The following ERLEC1 variants were observed in gnomAD, a reference collection of about 807,000 sequenced individuals.
ERLEC1 encodes ER lectin.
Under a neutral mutation model 68.0 loss-of-function variants are expected in ERLEC1, and 47 were observed. The ratio of observed to expected loss-of-function variants is 0.69; its 90% CI spans 0.55 to 0.88. The LOEUF (loss-of-function observed/expected upper bound fraction) is 0.88. Among genes scored for constraint, ERLEC1 ranks in the 40% least tolerant of loss-of-function variants. The pLI is 0.00. For missense variants in ERLEC1, 567 were observed against 583.8 expected, an observed-to-expected ratio of 0.97 and a Z score of 0.30; for synonymous variants, 225 against 203.2, an observed-to-expected ratio of 1.11 and a Z score of -0.91.
Position 53,787,082 on chromosome 2 carries a change from C to T in ERLEC1, c.-129C>T. The T allele has an allele frequency of 1.6e-6, 2 of 1,270,876 alleles. No individual in the cohort carries two copies. Among genetic ancestry groups the T allele is most frequent in the Non-Finnish European group, 1.0e-6 (1 of 963,670 alleles). 78.7% of individuals were successfully genotyped at this position (1,270,876 alleles called of 1,614,324 possible). A position where few individuals can be genotyped will look rare whatever the true frequency, so the allele number is the denominator to read the frequency against. ...CCGGGCTCTCCGGAAGGAGACGTGG[C>T]GGCGGTTGGGCCGGTGATACCCGGG... On this transcript the variant is annotated 5_prime_UTR_variant, in exon 1 of 14. Coordinates refer to ENST00000185150, the MANE Select transcript of ERLEC1 (RefSeq NM_015701.5).
In ERLEC1 at chr2:53,815,030, G is replaced by A. The variant is rs545784272; in HGVS notation, c.1380+95G>A. On this transcript the variant is annotated intron_variant, in intron 13 of 13. Coordinates refer to ENST00000185150, the MANE Select transcript of ERLEC1 (RefSeq NM_015701.5). ...TTTTTTTTTTTTGTTTTTTTGAGAC[G>A]GAGTCTTGCTCTGTGGCTCAGGCAG... 47 of 739,846 alleles carry A rather than the reference G, an allele frequency of 6.4e-5. 1 individual carries two copies. In the East Asian group the frequency reaches 7.7e-4, roughly 12 times the overall value. 45.8% of individuals were successfully genotyped at this position (739,846 alleles called of 1,614,324 possible). A position where few individuals can be genotyped will look rare whatever the true frequency, so the allele number is the denominator to read the frequency against.
chr2:53,804,016 A>G (rs1324209556), intron 8 of ERLEC1, among the ~76,000 whole-genome samples: 1 of 152,192 alleles, frequency 6.6e-6, no homozygotes, highest in Non-Finnish European at 1.5e-5. Context: ...CTGCAGTCCC[A>G]GCTACTCGGG....
chr2:53,787,118 T>A lies in ERLEC1; in HGVS notation c.-93T>A, dbSNP rs1573052210. 7 of 1,373,906 alleles carry A rather than the reference T, an allele frequency of 5.1e-6. No homozygotes were observed. The East Asian group carries it at 1.9e-4, about 37-fold the overall frequency. 85.1% of individuals were successfully genotyped at this position (1,373,906 alleles called of 1,614,324 possible). A position where few individuals can be genotyped will look rare whatever the true frequency, so the allele number is the denominator to read the frequency against. ...CCGGTGATACCCGGGCGCTTTATAG[T>A]CCCGCCGCCTCCTCCTCCACCTCCT... On this transcript the variant is annotated 5_prime_UTR_variant, in exon 1 of 14. Coordinates refer to ENST00000185150, the MANE Select transcript of ERLEC1 (RefSeq NM_015701.5).
chr2:53,813,567 G>A (rs1187761878), intron 11 of ERLEC1, among the ~76,000 whole-genome samples: 1 of 152,102 alleles, frequency 6.6e-6, no homozygotes, highest in Non-Finnish European at 1.5e-5. Flanking sequence ...TAGGATATAT[G>A]AGTATACCTT....
At chr2:53,799,424 A>G (rs1047299943) in intron 6 of ERLEC1, among the ~76,000 whole-genome samples, 5 of 152,208 alleles carry the variant, frequency 3.3e-5, no homozygotes, top group Non-Finnish European at 7.4e-5. Flanking sequence ...TCCTGTGGGC[A>G]AAACAGGTAA....
At chr2:53,797,860 G>A in intron 5 of ERLEC1, 65 bp downstream of exon 5, 1 of 1,374,906 alleles carries the variant, frequency 7.3e-7, no homozygotes, top group Non-Finnish European at 1.0e-6. Context: ...TGTTCAAAAT[G>A]GAATTTACGA....
At chr2:53,806,936 C>T (rs1299266487) in intron 8 of ERLEC1, among the ~76,000 whole-genome samples, 1 of 152,162 alleles carries the variant, frequency 6.6e-6, no homozygotes, top group African/African-American at 2.4e-5. Context: ...CTTTTCTCTA[C>T]ATCCAACCCT....
rs758169257 is a variant in ERLEC1 at position 53,814,863 on chromosome 2, C to CA, written c.1311dup (p.Glu438ArgfsTer25). 6.2e-7 allele frequency: 1 copy of CA among 1,605,014 alleles called. No homozygotes were observed. Among genetic ancestry groups the CA allele is most frequent in the Non-Finnish European group, 8.5e-7 (1 of 1,173,478 alleles). On this transcript the variant is annotated frameshift_variant, in exon 13 of 14. Transcript: ENST00000185150. LOFTEE classifies it high-confidence loss of function. ...CTTAAAGTGCTCTCTGTTTTAGGTG[C>CA]AAAGAATCAGATTCACCTCATGCTG... is the stretch of plus-strand genomic sequence containing the variant.
intron 13 of ERLEC1, 150 bp downstream of exon 13, chr2:53,815,085 A>G (rs942109387): frequency 1.1e-5 from 6 of 526,706 alleles, no homozygotes; most frequent in Non-Finnish European, 2.0e-5. Flanking sequence ...GGCTCACTGC[A>G]ACCTCTGCCT....
At chr2:53,792,970 C>A (rs1169492110) in intron 1 of ERLEC1, among the ~76,000 whole-genome samples, 1 of 150,736 alleles carries the variant, frequency 6.6e-6, no homozygotes, top group Admixed American at 6.6e-5. Flanking sequence ...GATCATGTCA[C>A]TGCACTCAGC....
At chr2:53,807,760 A>C (rs771335555) in intron 8 of ERLEC1, among the ~76,000 whole-genome samples, 4 of 152,124 alleles carry the variant, frequency 2.6e-5, no homozygotes, top group Non-Finnish European at 5.9e-5. Flanking sequence ...TAATCCCAGC[A>C]CTTTGGGAGT....
At chr2:53,799,530 G>T (rs1483481813) in intron 6 of ERLEC1, among the ~76,000 whole-genome samples, 1 of 152,116 alleles carries the variant, frequency 6.6e-6, no homozygotes, top group African/African-American at 2.4e-5. Context: ...CAGAGTGTCA[G>T]ACATATTATA....
chr2:53,801,007 C>T (rs544715665), intron 6 of ERLEC1, among the ~76,000 whole-genome samples: 6 of 152,038 alleles, frequency 3.9e-5, no homozygotes, highest in Admixed American at 1.3e-4. Context: ...AGCCATTTAC[C>T]GAGAGTTTAG....
intron 8 of ERLEC1, among the ~76,000 whole-genome samples, chr2:53,807,551 A>G (rs1676361140): frequency 6.6e-6 from 1 of 152,146 alleles, no homozygotes; most frequent in African/African-American, 2.4e-5. Flanking sequence ...GATTACAGGC[A>G]TGCTCCTGTT....
At chr2:53,805,963 G>T (rs1333680039) in intron 8 of ERLEC1, among the ~76,000 whole-genome samples, 1 of 152,168 alleles carries the variant, frequency 6.6e-6, no homozygotes, top group African/African-American at 2.4e-5. Flanking sequence ...GATACTGTAG[G>T]ATGAGTAGTT....
rs1676994714 is a variant in ERLEC1 at position 53,818,038 on chromosome 2, A to G, written c.*69A>G. ...GATAATTTCTGTCCCACTGTGTCTC[A>G]TTATAGAGTTCTCAGCCATTGGACC... On this transcript the variant is annotated 3_prime_UTR_variant, in exon 14 of 14. Coordinates refer to ENST00000185150, the MANE Select transcript of ERLEC1 (RefSeq NM_015701.5). The G allele has an allele frequency of 8.8e-6, 9 of 1,027,514 alleles. No homozygotes were observed. In the East Asian group the frequency reaches 2.1e-4, roughly 24 times the overall value. The allele number at this position is 1,027,514 out of a possible 1,614,324, so 63.6% of individuals were successfully genotyped here.
chr2:53,813,162 A>G, intron 11 of ERLEC1, 89 bp downstream of exon 11: 2 of 1,486,518 alleles, frequency 1.3e-6, no homozygotes, highest in East Asian at 2.3e-5. Flanking sequence ...CAAACATTTA[A>G]GTAAAATCCC....
chr2:53,793,286 C>T (rs1488244197), intron 1 of ERLEC1, among the ~76,000 whole-genome samples: 1 of 152,156 alleles, frequency 6.6e-6, no homozygotes, highest in Non-Finnish European at 1.5e-5. Context: ...ATTCTGTTGA[C>T]TCATATTAAC....
At chr2:53,813,148 A>G in intron 11 of ERLEC1, 75 bp downstream of exon 11, 1 of 1,536,066 alleles carries the variant, frequency 6.5e-7, no homozygotes, top group Non-Finnish European at 8.8e-7. Context: ...AAAACATAAA[A>G]ATTCAAACAT....
Sources: gnomAD v4.1 joint callset for allele counts (sites outside exome capture counted in the v4.1 genomes callset) on GRCh38, gnomAD v4.1.1 for gene constraint, MANE v1.5 for transcripts, NCBI Gene and HGNC (gene_info 2026-07-23, HGNC 2026-07-21) for gene names.